Variants in SPEF2 observed in about 807,000 individuals in gnomAD.
SPEF2 encodes the protein sperm flagellar and cilia associated 2, also known as sperm flagella and cilia-associated protein 2.
Under a neutral mutation model 224.6 loss-of-function variants are expected in SPEF2, and 187 were observed. The observed-to-expected ratio is 0.83, with a 90% CI of 0.74 to 0.94. SPEF2 has a LOEUF of 0.94. Ranked by LOEUF, SPEF2 falls within the 40% of genes least tolerant of loss-of-function variation. The probability of loss-of-function intolerance (pLI) is 0.00; values close to 1 mark genes in which losing one functional copy is unlikely to be tolerated. For synonymous variants in SPEF2, 715 were observed against 707.3 expected (o/e 1.01, Z -0.17); for missense variants, 2,170 against 2,135.6 (o/e 1.02, Z -0.32).
chr5:35,771,545 A>C lies in SPEF2; in HGVS notation c.3802-64A>C. The C allele has an allele frequency of 1.3e-6, 2 of 1,560,140 alleles. 1 individual carries two copies. The highest frequency in any genetic ancestry group is 2.5e-5 in the South Asian group (2 of 81,206). The stretch of plus-strand genomic sequence containing the variant: ...TTCAACAGAATTTAGTAATGACTAC[A>C]TCCAAATGGTTGCCATATTTTGTAA... On this transcript the variant is annotated intron_variant, in intron 26 of 36. Transcript: ENST00000356031.
At chr5:35,780,605 C>G (rs1754198180) in intron 30 of SPEF2, among the ~76,000 whole-genome samples, 1 of 152,166 alleles carries the variant, frequency 6.6e-6, no homozygotes. Flanking sequence ...AGAGTGCACC[C>G]TCTTCTACAT....
At chr5:35,670,451 A>G (rs1751084154) in intron 10 of SPEF2, 1 of 1,175,904 alleles carries the variant, frequency 8.5e-7, no homozygotes, top group Non-Finnish European at 1.0e-6. Flanking sequence ...TGGTCTGAAA[A>G]AACATCAAGC....
At chr5:35,657,815 G>A (rs923258337) in intron 7 of SPEF2, among the ~76,000 whole-genome samples, 2 of 152,202 alleles carry the variant, frequency 1.3e-5, no homozygotes, top group Admixed American at 1.3e-4. Context: ...CCCCAAGTCA[G>A]TTACCTCTGC....
rs368259023 is a variant in SPEF2, at chr5:35,646,769, G to A, written c.688G>A (p.Glu230Lys). The change falls in exon 5 of 37, where the codon GAG (glutamate) becomes AAG (lysine). Residue 230 changes from glutamate (E) to lysine (K), a missense_variant. Coordinates refer to ENST00000356031, the MANE Select transcript of SPEF2 (RefSeq NM_024867.4). ...PASNRTLKAL[E>K]AQKMMKKKKE... ...ATCAAATCGTACTTTGAAAGCACTC[G>A]AGGCCCAAAAAATGATGAAAAAGAA... 1.9e-4 allele frequency: 301 copies of A among 1,613,650 alleles called. No homozygotes were observed. Among genetic ancestry groups the A allele is most frequent in the Non-Finnish European group, 2.4e-4 (279 of 1,179,894 alleles).
Position 35,806,788 on chromosome 5 carries a change from G to T in SPEF2, c.5092G>T (p.Asp1698Tyr). 6.2e-7 allele frequency: 1 copy of T among 1,613,974 alleles called. No individual in the cohort carries two copies. The change falls in exon 35 of 37, where the codon GAC becomes TAC. Residue 1698 changes from aspartate (D) to tyrosine (Y), a missense_variant. Asp to Tyr is a radical substitution (Grantham distance 160). Coordinates refer to ENST00000356031, the MANE Select transcript of SPEF2 (RefSeq NM_024867.4). ...TGCAAGAGAAGAAAGGAAATTAAAA[G>T]ACGACACGGAGAAAAGGGAACAGAA... ...NAAREERKLK[D>Y]DTEKREQKDE... is the part of the protein sequence containing the mutation.
chr5:35,683,727 T>C (rs1298150147), intron 10 of SPEF2, among the ~76,000 whole-genome samples: 1 of 152,238 alleles, frequency 6.6e-6, no homozygotes, highest in Non-Finnish European at 1.5e-5. Context: ...GATCTCTGTG[T>C]GTAAGCAGAC....
chr5:35,670,024 C>T, intron 9 of SPEF2, 35 bp from the exon 10 acceptor site: 1 of 1,496,320 alleles, frequency 6.7e-7, no homozygotes, highest in Non-Finnish European at 9.1e-7. Flanking sequence ...TTTGACTAAC[C>T]ATTGATTCAT....
At chr5:35,791,655 T>G (rs912466438) in intron 30 of SPEF2, 1 of 152,172 alleles carries the variant, frequency 6.6e-6, no homozygotes, top group South Asian at 2.1e-4. Flanking sequence ...TATTTCTTAA[T>G]GCTTGTGCAT....
At chr5:35,764,893 G>A (rs534273170) in intron 26 of SPEF2, 14 of 359,870 alleles carry the variant, frequency 3.9e-5, no homozygotes, top group African/African-American at 8.6e-5. Flanking sequence ...TGCTTCTTTC[G>A]AAAAACATTT....
chr5:35,763,826 A>G lies in SPEF2; in HGVS notation c.3801+124A>G, dbSNP rs1010499287. 7 of 843,716 alleles carry G rather than the reference A, an allele frequency of 8.3e-6. No homozygotes were observed. The Admixed American group carries it at 1.4e-4, about 17-fold the overall frequency. The allele number at this position is 843,716 out of a possible 1,614,324, so 52.3% of individuals were successfully genotyped here. On this transcript the variant is annotated intron_variant, in intron 26 of 36. Transcript: ENST00000356031. ...AGCACTGTAGAAAATTGTACCTTCG[A>G]AACATTTTTTTTCTGAAAGAAATAG...
chr5:35,667,400 T>G, intron 9 of SPEF2, 141 bp downstream of exon 9: 1 of 685,320 alleles, frequency 1.5e-6, no homozygotes, highest in South Asian at 3.2e-5. Context: ...CCAGGAGACC[T>G]TGATTACTGA....
chr5:35,807,969 A>C, intron 36 of SPEF2: 1 of 1,357,816 alleles, frequency 7.4e-7, no homozygotes, highest in South Asian at 1.9e-5. Context: ...TCCCTGTTTG[A>C]CTCCTGTGAG....
At chr5:35,740,297 GT>G in intron 23 of SPEF2, 30 bp downstream of exon 23, 1 of 1,611,066 alleles carries the variant, frequency 6.2e-7, no homozygotes, top group Middle Eastern at 1.7e-4. Context: ...TTGGGACAGG[GT>G]TAGCTGGCTT....
intron 26 of SPEF2, among the ~76,000 whole-genome samples, chr5:35,770,756 C>A (rs1289281149): frequency 6.6e-6 from 1 of 152,110 alleles, no homozygotes; most frequent in Admixed American, 6.6e-5. Flanking sequence ...TTCCTGACCC[C>A]GTGGGTGGGA....
chr5:35,637,232 T>C (rs10072859), intron 2 of SPEF2, among the ~76,000 whole-genome samples: 3,134 of 152,226 alleles, frequency 0.021, 125 homozygotes, highest in African/African-American at 0.072. Flanking sequence ...CTTAAATAAA[T>C]GCTCCTTGAG....
At chr5:35,622,248 T>C (rs912077155) in intron 1 of SPEF2, among the ~76,000 whole-genome samples, 9 of 152,296 alleles carry the variant, frequency 5.9e-5, no homozygotes, top group African/African-American at 1.9e-4. Flanking sequence ...TTTTCTACTC[T>C]TTGTCCCAAA....
intron 29 of SPEF2, among the ~76,000 whole-genome samples, chr5:35,777,945 G>A (rs559946387): frequency 2.0e-5 from 3 of 152,198 alleles, no homozygotes; most frequent in African/African-American, 7.2e-5. Context: ...CGTAAACTCA[G>A]CAGCTATCCA....
At position 35,692,181 on chromosome 5, in the gene SPEF2, C is replaced by T. The variant is rs143264437; in HGVS notation, c.1745-389C>T. On this transcript the variant is annotated intron_variant, in intron 11 of 36. Transcript: ENST00000356031. ...ATCCCTGCACTTTGGAAGGCCGAGA[C>T]GGGTGGATCACCTGAGGTCAAGAGT... Among the ~76,000 whole-genome samples the T allele has an allele frequency of 1.6e-3, 241 of 151,924 alleles. 6 individuals are homozygous for T. The East Asian group carries it at 0.044, about 28-fold the overall frequency.
At chr5:35,694,856 C>T (rs1755063676) in intron 13 of SPEF2, among the ~76,000 whole-genome samples, 1 of 152,178 alleles carries the variant, frequency 6.6e-6, no homozygotes, top group Admixed American at 6.5e-5. Flanking sequence ...GTTTCCCAAA[C>T]ATAACAAAAA....
Sources: gnomAD v4.1 joint callset for allele counts (sites outside exome capture counted in the v4.1 genomes callset) on GRCh38, gnomAD v4.1.1 for gene constraint, MANE v1.5 for transcripts, NCBI Gene and HGNC (gene_info 2026-07-23, HGNC 2026-07-21) for gene names.